NRP2: variants seen among roughly 807,000 people sequenced by gnomAD.
The protein encoded by NRP2 is neuropilin 2, also known as neuropilin-2.
A neutral mutation model predicts 110.4 loss-of-function variants in NRP2; 52 were observed. The observed-to-expected ratio is 0.47, with a 90% CI of 0.38 to 0.59. The LOEUF (loss-of-function observed/expected upper bound fraction) is 0.59. Ranked by LOEUF, NRP2 falls within the 20% of genes least tolerant of loss-of-function variation. NRP2 has a pLI of 0.00. For missense variants in NRP2, 1,049 were observed against 1,203.0 expected (o/e 0.87, Z 1.89); for synonymous variants, 508 against 468.9 (o/e 1.08, Z -1.08).
intron 2 of NRP2, among the ~76,000 whole-genome samples, chr2:205,715,763 G>A (rs1314981404): frequency 6.6e-6 from 1 of 152,100 alleles, no homozygotes; most frequent in Admixed American, 6.5e-5. Context: ...CTTGTGGAGT[G>A]GATATTTTTA....
In NRP2 at chr2:205,795,252, C is replaced by T; in HGVS notation, c.*194C>T. The T allele has an allele frequency of 1.6e-6, 1 of 639,632 alleles. No individual in the cohort carries two copies. Among genetic ancestry groups the T allele is most frequent in the Non-Finnish European group, 2.8e-6 (1 of 359,514 alleles). 39.6% of individuals were successfully genotyped at this position (639,632 alleles called of 1,614,324 possible). A position where few individuals can be genotyped will look rare whatever the true frequency, so the allele number is the denominator to read the frequency against. ...CAGCCGCACAGGGGATGATTACCCTCCTAGGACCGCGGTGGCTAAGTCATT... is the reference window on the plus strand; with the variant it reads ...CAGCCGCACAGGGGATGATTACCCTTCTAGGACCGCGGTGGCTAAGTCATT... On this transcript the variant is annotated 3_prime_UTR_variant, in exon 17 of 17. Coordinates refer to ENST00000357785, the MANE Select transcript of NRP2 (RefSeq NM_003872.3).
intron 11 of NRP2, 189 bp from the exon 12 acceptor site, chr2:205,752,646 G>A (rs2057667174): frequency 3.2e-6 from 2 of 624,042 alleles, no homozygotes; most frequent in Non-Finnish European, 5.7e-6. Flanking sequence ...TCATGCCTGG[G>A]AAGGATGAGA....
chr2:205,734,379 C>T (rs1237819895), intron 7 of NRP2, among the ~76,000 whole-genome samples: 1 of 151,136 alleles, frequency 6.6e-6, no homozygotes, highest in Non-Finnish European at 1.5e-5. Flanking sequence ...AAGCCCATTG[C>T]CTTCATATCA....
At position 205,752,939 on chromosome 2, in the gene NRP2, G is replaced by A; in HGVS notation, c.2008G>A (p.Ala670Thr). ...TGCCAAGTGGCTCCGGACCACCTGG[G>A]CCAGCAGCTCCAGCCCAAACGACCG... ...DHAKWLRTTW[A>T]SSSSPNDRTF... The change falls in exon 12 of 17, where the codon GCC becomes ACC. Residue 670 changes from alanine to threonine, a missense_variant. By Grantham distance (58) the Ala-to-Thr change is moderately conservative (BLOSUM62 0). Transcript: ENST00000357785. The A allele has an allele frequency of 1.9e-6, 3 of 1,614,024 alleles. No individual in the cohort carries two copies. In the South Asian group the frequency reaches 3.3e-5, roughly 18 times the overall value.
At chr2:205,729,535 G>A (rs2057195619) in intron 7 of NRP2, among the ~76,000 whole-genome samples, 1 of 149,654 alleles carries the variant, frequency 6.7e-6, no homozygotes, top group Non-Finnish European at 1.5e-5. Context: ...GCAGACGAGG[G>A]CCAGAAGCCA....
rs560535282 is a variant in NRP2, at chr2:205,724,534, C to G, written c.820+594C>G. Among the ~76,000 whole-genome samples, 8 of 152,186 alleles carry G rather than the reference C, an allele frequency of 5.3e-5. No individual in the cohort carries two copies. The East Asian group carries it at 1.5e-3, about 29-fold the overall frequency. The stretch of plus-strand genomic sequence containing the variant: ...AAGCAAGGAATTAAAAACTATCACT[C>G]TGATCACAGCTGCTGTGGGACCTGC... On this transcript the variant is annotated intron_variant, in intron 5 of 16. Coordinates refer to ENST00000357785, the MANE Select transcript of NRP2 (RefSeq NM_003872.3).
chr2:205,754,830 T>C (rs2057707826), intron 12 of NRP2, among the ~76,000 whole-genome samples: 1 of 152,090 alleles, frequency 6.6e-6, no homozygotes, highest in Non-Finnish European at 1.5e-5. Context: ...CTGTGTGGTA[T>C]GTACCTCAGC....
intron 9 of NRP2, 71 bp from the exon 10 acceptor site, chr2:205,745,675 G>A (rs2057524911): frequency 6.3e-7 from 1 of 1,587,972 alleles, no homozygotes; most frequent in East Asian, 2.2e-5. Flanking sequence ...AGGAGAAGGG[G>A]AAGGAAAGGG....
chr2:205,792,295 GT>G lies in NRP2; in HGVS notation c.2476+12del. 6.3e-7 allele frequency: 1 copy of G among 1,596,370 alleles called. No individual in the cohort carries two copies. The highest frequency in any genetic ancestry group is 8.6e-7 in the Non-Finnish European group (1 of 1,163,878). On this transcript the variant is annotated intron_variant, in intron 16 of 16. Coordinates refer to ENST00000357785, the MANE Select transcript of NRP2 (RefSeq NM_003872.3). ...GAAGATGAAATTGATGGTGAGTACT[GT>G]TATGATTTAGCAGGTAATCGTAAAA...
At position 205,697,664 on chromosome 2, in the gene NRP2, A is replaced by C. The variant is rs760065720; in HGVS notation, c.194A>C (p.Asn65Thr). 9 of 1,613,914 alleles carry C rather than the reference A, an allele frequency of 5.6e-6. No homozygotes were observed. Among genetic ancestry groups the C allele is most frequent in the Non-Finnish European group, 7.6e-6 (9 of 1,179,986 alleles). ...TGGATTGTTTACGCCCCCGAACCCAACCAGAAGATTGTCCTCAACTTCAAC... is the reference window on the plus strand; with the variant it reads ...TGGATTGTTTACGCCCCCGAACCCACCCAGAAGATTGTCCTCAACTTCAAC... ...CEWIVYAPEP[N>T]QKIVLNFNPH... The change falls in exon 2 of 17, where the codon AAC becomes ACC. Residue 65 changes from asparagine (N) to threonine (T), a missense_variant. By Grantham distance (65) the Asn-to-Thr change is moderately conservative (BLOSUM62 0). Coordinates refer to ENST00000357785, the MANE Select transcript of NRP2 (RefSeq NM_003872.3).
At chr2:205,778,987 A>G (rs2058141833) in intron 15 of NRP2, 1 of 152,258 alleles carries the variant, frequency 6.6e-6, no homozygotes, top group South Asian at 2.1e-4. Context: ...GTAAAATGCC[A>G]TGCTTCGCAG....
chr2:205,737,491 C>G (rs2057366231), intron 7 of NRP2, among the ~76,000 whole-genome samples: 1 of 152,174 alleles, frequency 6.6e-6, no homozygotes, highest in Non-Finnish European at 1.5e-5. Flanking sequence ...AGCACAGCTC[C>G]TGGCTTCTGA....
At chr2:205,719,742 G>C (rs753342539) in intron 3 of NRP2, among the ~76,000 whole-genome samples, 3 of 152,298 alleles carry the variant, frequency 2.0e-5, no homozygotes, top group Non-Finnish European at 4.4e-5. Flanking sequence ...GGCAAACTCA[G>C]CTTTGGGTAA....
chr2:205,744,656 G>T (rs2057505169), intron 9 of NRP2, among the ~76,000 whole-genome samples: 1 of 152,164 alleles, frequency 6.6e-6, no homozygotes, highest in Admixed American at 6.5e-5. Context: ...TTTCTCAAAA[G>T]AACAGGTCCC....
At chr2:205,695,803 A>G (rs767887368) in intron 1 of NRP2, among the ~76,000 whole-genome samples, 7 of 152,134 alleles carry the variant, frequency 4.6e-5, no homozygotes, top group Non-Finnish European at 5.9e-5. Flanking sequence ...ACGGGCCTCA[A>G]TTTGGCTGGC....
chr2:205,731,985 T>C (rs982369421), intron 7 of NRP2, among the ~76,000 whole-genome samples: 1 of 152,222 alleles, frequency 6.6e-6, no homozygotes, highest in Non-Finnish European at 1.5e-5. Flanking sequence ...ACTAGGAAAC[T>C]GGAGCCTGCA....
At chr2:205,732,694 T>C (rs561976432) in intron 7 of NRP2, among the ~76,000 whole-genome samples, 2 of 152,342 alleles carry the variant, frequency 1.3e-5, no homozygotes, top group Non-Finnish European at 2.9e-5. Context: ...GGGATATTTA[T>C]GGGCCTCTTT....
chr2:205,750,008 A>G (rs1344171349), intron 11 of NRP2, among the ~76,000 whole-genome samples, 167 bp downstream of exon 11: 1 of 152,232 alleles, frequency 6.6e-6, no homozygotes, highest in East Asian at 1.9e-4. Context: ...GTGGCTGTTT[A>G]CAACCAATGT....
chr2:205,788,370 C>A (rs182683487), intron 15 of NRP2, among the ~76,000 whole-genome samples: 46 of 152,312 alleles, frequency 3.0e-4, no homozygotes, highest in African/African-American at 1.0e-3. Context: ...ACCTCTTTCT[C>A]TCACTGTGCT....
Sources: allele counts gnomAD v4.1 joint callset (sites outside exome capture counted in the v4.1 genomes callset), GRCh38; gene constraint gnomAD v4.1.1; transcripts MANE v1.5; gene names NCBI Gene and HGNC (gene_info 2026-07-23, HGNC 2026-07-21).